Variants in LYPD6B observed in about 807,000 individuals in gnomAD.
The protein encoded by LYPD6B is LY6/PLAUR domain containing 6B, also known as ly6/PLAUR domain-containing protein 6B.
Under a neutral mutation model 22.8 loss-of-function variants are expected in LYPD6B, and 17 were observed. The observed-to-expected ratio is 0.75, with a 90% CI of 0.51 to 1.12. The LOEUF is 1.12. Ranked by LOEUF, LYPD6B falls within the 50% of genes most tolerant of loss-of-function variation. The pLI is 0.00. For synonymous variants in LYPD6B, 106 were observed against 91.6 expected, an observed-to-expected ratio of 1.16 and a Z score of -0.90; for missense variants, 221 against 258.3, an observed-to-expected ratio of 0.86 and a Z score of 0.99.
chr2:149,069,527 T>C (rs1421726817), intron 1 of LYPD6B, among the ~76,000 whole-genome samples: 1 of 152,130 alleles, frequency 6.6e-6, no homozygotes. Flanking sequence ...TGTCACAGAT[T>C]TTGGCTGATA....
chr2:149,078,931 C>T (rs113007212), intron 1 of LYPD6B, among the ~76,000 whole-genome samples: 11,041 of 151,558 alleles, frequency 0.073, 639 homozygotes, highest in Non-Finnish European at 0.1. Context: ...CACTTGAGCC[C>T]AGGGGTTTGA....
intron 1 of LYPD6B, among the ~76,000 whole-genome samples, chr2:149,056,390 G>A (rs530220885): frequency 6.6e-6 from 1 of 152,104 alleles, no homozygotes; most frequent in Non-Finnish European, 1.5e-5. Context: ...CCATTAAAGA[G>A]TAACCACTGT....
intron 6 of LYPD6B, among the ~76,000 whole-genome samples, chr2:149,213,790 C>G (rs1313931904): frequency 1.3e-5 from 2 of 152,150 alleles, no homozygotes; most frequent in African/African-American, 4.8e-5. Flanking sequence ...GCTCTCCAGA[C>G]CAGTTGAAAT....
chr2:149,040,836 G>C (rs1264336268), intron 1 of LYPD6B, among the ~76,000 whole-genome samples: 1 of 152,200 alleles, frequency 6.6e-6, no homozygotes, highest in African/African-American at 2.4e-5. Flanking sequence ...GGCATCCTGT[G>C]TGTCCATCTT....
chr2:149,074,804 T>C (rs1256743313), intron 1 of LYPD6B, among the ~76,000 whole-genome samples: 2 of 135,376 alleles, frequency 1.5e-5, no homozygotes, highest in Admixed American at 1.5e-4. Flanking sequence ...GCTTTAAAAG[T>C]TTAAAATACA....
At chr2:149,143,663 C>T (rs1294837032) in intron 2 of LYPD6B, among the ~76,000 whole-genome samples, 1 of 152,124 alleles carries the variant, frequency 6.6e-6, no homozygotes, top group African/African-American at 2.4e-5. Flanking sequence ...AGAATCATCA[C>T]GAGATGCAGT....
intron 3 of LYPD6B, chr2:149,188,849 C>T (rs141274980): frequency 7.2e-5 from 12 of 165,652 alleles, no homozygotes; most frequent in Non-Finnish European, 1.1e-4. Flanking sequence ...CTCACTCACT[C>T]GAGGTCATTG....
At chr2:149,199,492 T>C (rs1346791074) in intron 3 of LYPD6B, among the ~76,000 whole-genome samples, 2 of 152,200 alleles carry the variant, frequency 1.3e-5, no homozygotes, top group Non-Finnish European at 2.9e-5. Context: ...GCATGACTTA[T>C]AATTGCACTA....
At chr2:149,107,842 T>C (rs1046183848) in intron 1 of LYPD6B, among the ~76,000 whole-genome samples, 1 of 152,238 alleles carries the variant, frequency 6.6e-6, no homozygotes, top group Non-Finnish European at 1.5e-5. Context: ...TATTCTGCTT[T>C]GAAAGGGTGG....
intron 2 of LYPD6B, among the ~76,000 whole-genome samples, chr2:149,134,747 G>A (rs1165030769): frequency 6.6e-6 from 1 of 152,184 alleles, no homozygotes; most frequent in Non-Finnish European, 1.5e-5. Context: ...GATCCATCCT[G>A]AGACCACGTA....
In LYPD6B at chr2:149,094,898, A is replaced by G. The variant is rs144769767; in HGVS notation, c.-66-35985A>G. Among the ~76,000 whole-genome samples the G allele has an allele frequency of 9.9e-5, 15 of 152,144 alleles. No homozygotes were observed. The East Asian group carries it at 2.9e-3, about 29-fold the overall frequency. On this transcript the variant is annotated intron_variant, in intron 1 of 6. Transcript: ENST00000409642. ...CAACAGTTGCTATCAAAACAATAAGAAATTATTGTTGTATCATTATTCTGG... is the reference window on the plus strand; with the variant it reads ...CAACAGTTGCTATCAAAACAATAAGGAATTATTGTTGTATCATTATTCTGG...
intron 3 of LYPD6B, among the ~76,000 whole-genome samples, chr2:149,178,432 C>A (rs758012367): frequency 2.0e-5 from 3 of 152,144 alleles, no homozygotes; most frequent in Non-Finnish European, 2.9e-5. Flanking sequence ...TTACTCCCCC[C>A]ACCCCCGTGA....
chr2:149,206,830 T>C (rs1030422927), intron 4 of LYPD6B, among the ~76,000 whole-genome samples: 5 of 152,054 alleles, frequency 3.3e-5, no homozygotes. Flanking sequence ...TTTTGAATAT[T>C]TTCCAATGTC....
chr2:149,076,451 T>G (rs1684881525), intron 1 of LYPD6B, among the ~76,000 whole-genome samples: 1 of 152,206 alleles, frequency 6.6e-6, no homozygotes, highest in Non-Finnish European at 1.5e-5. Context: ...AGAAATCTAT[T>G]TCCAAGGGAA....
chr2:149,171,703 C>T (rs1216813698), intron 3 of LYPD6B, among the ~76,000 whole-genome samples: 1 of 152,028 alleles, frequency 6.6e-6, no homozygotes, highest in African/African-American at 2.4e-5. Flanking sequence ...AACATTTTTT[C>T]AATGCTCTTC....
chr2:149,110,179 A>T (rs1450036620), intron 1 of LYPD6B, among the ~76,000 whole-genome samples: 1 of 152,044 alleles, frequency 6.6e-6, no homozygotes, highest in Admixed American at 6.6e-5. Flanking sequence ...TTAATTTGCA[A>T]ATGTTTGATT....
chr2:149,169,119 A>C (rs559223359), intron 3 of LYPD6B, among the ~76,000 whole-genome samples: 72 of 152,280 alleles, frequency 4.7e-4, no homozygotes, highest in Non-Finnish European at 8.4e-4. Flanking sequence ...TTAATTAGGA[A>C]ATGATTAATT....
intron 3 of LYPD6B, among the ~76,000 whole-genome samples, chr2:149,192,283 A>G (rs1159426691): frequency 6.6e-6 from 1 of 152,162 alleles, no homozygotes; most frequent in Non-Finnish European, 1.5e-5. Flanking sequence ...ACCTAACGAC[A>G]TATTTTTGTC....
At chr2:149,143,349 A>G (rs1454736445) in intron 2 of LYPD6B, among the ~76,000 whole-genome samples, 2 of 149,930 alleles carry the variant, frequency 1.3e-5, no homozygotes, top group Admixed American at 1.3e-4. Context: ...TTTTTTTAGG[A>G]CAATGAGTTT....
Sources: allele counts gnomAD v4.1 joint callset (sites outside exome capture counted in the v4.1 genomes callset), GRCh38; gene constraint gnomAD v4.1.1; transcripts MANE v1.5; gene names NCBI Gene and HGNC (gene_info 2026-07-23, HGNC 2026-07-21).